TTLL1: variants seen among roughly 807,000 people sequenced by gnomAD.
TTLL1 encodes the protein polyglutamylase complex subunit TTLL1.
In TTLL1, 33 loss-of-function variants were observed where a neutral mutation model predicts 47.8. The observed-to-expected ratio is 0.69, with a 90% CI of 0.52 to 0.92. TTLL1 has a LOEUF of 0.92. TTLL1 is among the 40% of genes least tolerant of loss of function. The pLI is 0.00. For missense variants in TTLL1, 488 were observed against 547.5 expected (o/e 0.89, Z 1.08); for synonymous variants, 225 against 214.1 (o/e 1.05, Z -0.45).
chr22:43,088,503 ATT>A (rs11310162), intron 1 of TTLL1, among the ~76,000 whole-genome samples: 95 of 144,056 alleles, frequency 6.6e-4, no homozygotes, highest in Admixed American at 6.2e-4. Flanking sequence ...TGCCCGGCTA[ATT>A]TTTTTTTTTT....
chr22:43,046,290 TA>T, intron 10 of TTLL1, 119 bp downstream of exon 10: 1 of 1,078,832 alleles, frequency 9.3e-7, no homozygotes, highest in Non-Finnish European at 1.4e-6. Context: ...ATGTCATTAG[TA>T]AATGAAACAG....
At chr22:43,085,798 C>T (rs1454275194) in intron 1 of TTLL1, among the ~76,000 whole-genome samples, 1 of 152,180 alleles carries the variant, frequency 6.6e-6, no homozygotes, top group East Asian at 1.9e-4. Context: ...GGACAGCCTA[C>T]ACGCTTCCCT....
chr22:43,039,614 T>C lies in TTLL1; in HGVS notation c.*162A>G. The C allele has an allele frequency of 1.2e-6, 1 of 819,014 alleles. No homozygotes were observed. The highest frequency in any genetic ancestry group is 3.4e-5 in the Admixed American group (1 of 29,044). The allele number at this position is 819,014 out of a possible 1,614,324, so 50.7% of individuals were successfully genotyped here. On this transcript the variant is annotated 3_prime_UTR_variant, in exon 11 of 11. Coordinates refer to ENST00000266254, the MANE Select transcript of TTLL1 (RefSeq NM_012263.5). ...TTATACATCCGCATGAATTGTTTCC[T>C]TTAGCACTAGTCAAACAGACTCCAT... is the stretch of plus-strand genomic sequence containing the variant.
chr22:43,081,548 T>C (rs1928887615), intron 1 of TTLL1, among the ~76,000 whole-genome samples: 1 of 151,924 alleles, frequency 6.6e-6, no homozygotes, highest in Non-Finnish European at 1.5e-5. Context: ...TTTTAATGTA[T>C]TTTATTTTTT....
chr22:43,081,544 T>C (rs1415471358), intron 1 of TTLL1, among the ~76,000 whole-genome samples: 2 of 151,988 alleles, frequency 1.3e-5, no homozygotes, highest in Non-Finnish European at 2.9e-5. Flanking sequence ...TTTTTTTTAA[T>C]GTATTTTATT....
chr22:43,043,129 C>T (rs1003336724), intron 10 of TTLL1, among the ~76,000 whole-genome samples: 5 of 151,824 alleles, frequency 3.3e-5, no homozygotes, highest in Admixed American at 6.6e-5. Context: ...TTAGCAGAGA[C>T]GGGATTTCAC....
chr22:43,065,637 C>T (rs1026707933), intron 5 of TTLL1, among the ~76,000 whole-genome samples: 1 of 151,850 alleles, frequency 6.6e-6, no homozygotes, highest in Admixed American at 6.6e-5. Flanking sequence ...GGCTGGAGTG[C>T]AGTGGTGCGA....
intron 8 of TTLL1, chr22:43,052,182 T>A (rs1252916116): frequency 2.4e-6 from 1 of 412,094 alleles, no homozygotes; most frequent in Non-Finnish European, 4.6e-6. Context: ...GAGACTGTCA[T>A]CAGAGTGAAC....
chr22:43,076,993 T>C (rs5759140), intron 2 of TTLL1, among the ~76,000 whole-genome samples: 70,103 of 150,854 alleles, frequency 0.46, 19,242 homozygotes, highest in East Asian at 0.78. Flanking sequence ...CCCAGCTACT[T>C]GGGAGGCTGA....
chr22:43,087,729 C>CT (rs1460526905), intron 1 of TTLL1, among the ~76,000 whole-genome samples: 2 of 146,426 alleles, frequency 1.4e-5, no homozygotes, highest in Non-Finnish European at 3.0e-5. Context: ...TCCAAGCTAT[C>CT]TGGGAGGCTG....
Position 43,039,721 on chromosome 22 carries a change from G to A in TTLL1, c.*55C>T. 6.6e-7 allele frequency: 1 copy of A among 1,505,784 alleles called. No homozygotes were observed. The highest frequency in any genetic ancestry group is 8.9e-7 in the Non-Finnish European group (1 of 1,124,006). 93.3% of individuals were successfully genotyped at this position (1,505,784 alleles called of 1,614,324 possible). A position where few individuals can be genotyped will look rare whatever the true frequency, so the allele number is the denominator to read the frequency against. On this transcript the variant is annotated 3_prime_UTR_variant, in exon 11 of 11. Transcript: ENST00000266254. ...CTACAAAAGGGAAATTTCAAAATAG[G>A]GCTTCAGCAGGGGCCCAGGTGGAGT...
At chr22:43,085,529 G>C (rs185020923) in intron 1 of TTLL1, among the ~76,000 whole-genome samples, 195 of 152,268 alleles carry the variant, frequency 1.3e-3, no homozygotes, top group African/African-American at 4.6e-3. Context: ...TGTGAGATCT[G>C]ATGGTTTTAT....
intron 5 of TTLL1, among the ~76,000 whole-genome samples, chr22:43,067,739 G>A (rs1239680625): frequency 6.6e-6 from 1 of 152,050 alleles, no homozygotes; most frequent in Non-Finnish European, 1.5e-5. Flanking sequence ...GGGAGGCCGA[G>A]GTGGGTGGAT....
chr22:43,086,668 G>A (rs1929248490), intron 1 of TTLL1, among the ~76,000 whole-genome samples: 1 of 152,154 alleles, frequency 6.6e-6, no homozygotes, highest in East Asian at 1.9e-4. Context: ...TGTGGCCGGG[G>A]AAGGAAGGGA....
Position 43,075,276 on chromosome 22 carries a change from C to T in TTLL1, c.113+198G>A, listed in dbSNP as rs1040661807. 3.3e-5 allele frequency among the ~76,000 whole-genome samples: 5 copies of T among 152,192 alleles called. No individual in the cohort carries two copies. The South Asian group carries it at 8.3e-4, about 25-fold the overall frequency. ...GTGCTGAAACACCCCGGACTTCATA[C>T]CCCAGGGTGAACACAGTGATGTGGG... On this transcript the variant is annotated intron_variant, in intron 3 of 10. Transcript: ENST00000266254.
intron 1 of TTLL1, among the ~76,000 whole-genome samples, chr22:43,087,584 T>C (rs1284449400): frequency 1.3e-5 from 2 of 148,756 alleles, no homozygotes; most frequent in Non-Finnish European, 3.0e-5. Flanking sequence ...ACGCCTGTAA[T>C]CCCAACACTT....
At chr22:43,071,594 G>C (rs1389908959) in intron 3 of TTLL1, among the ~76,000 whole-genome samples, 1 of 152,100 alleles carries the variant, frequency 6.6e-6, no homozygotes, top group Non-Finnish European at 1.5e-5. Flanking sequence ...ATTTTTAGTA[G>C]AGACGGGGTT....
At chr22:43,079,662 A>T (rs555051037) in intron 2 of TTLL1, among the ~76,000 whole-genome samples, 1 of 152,334 alleles carries the variant, frequency 6.6e-6, no homozygotes, top group East Asian at 1.9e-4. Flanking sequence ...AAGAGTAGTG[A>T]CTGGAGACCA....
chr22:43,048,722 G>T (rs574213126), intron 9 of TTLL1, among the ~76,000 whole-genome samples: 53 of 151,848 alleles, frequency 3.5e-4, no homozygotes, highest in African/African-American at 1.3e-3. Flanking sequence ...CGGATCACTT[G>T]AGGTCCGGGT....
Sources: allele counts gnomAD v4.1 joint callset (sites outside exome capture counted in the v4.1 genomes callset), GRCh38; gene constraint gnomAD v4.1.1; transcripts MANE v1.5; gene names NCBI Gene and HGNC (gene_info 2026-07-23, HGNC 2026-07-21).